Variants in WIPF2 observed in about 807,000 individuals in gnomAD.
The protein encoded by WIPF2 is WAS/WASL interacting protein family member 2, also known as WAS/WASL-interacting protein family member 2.
In WIPF2, 23 loss-of-function variants were observed where a neutral mutation model predicts 38.8. The ratio of observed to expected loss-of-function variants is 0.59; its 90% CI spans 0.43 to 0.84. The LOEUF (loss-of-function observed/expected upper bound fraction) is 0.84. WIPF2 is among the 40% of genes least tolerant of loss of function. The pLI is 0.00. For missense variants in WIPF2, 574 were observed against 580.5 expected (o/e 0.99, Z 0.11); for synonymous variants, 210 against 223.2 (o/e 0.94, Z 0.53).
chr17:40,249,125 G>A (rs956935916), intron 1 of WIPF2, among the ~76,000 whole-genome samples: 1 of 152,110 alleles, frequency 6.6e-6, no homozygotes, highest in African/African-American at 2.4e-5. Context: ...ATAGAAGATA[G>A]CATTAAGATT....
chr17:40,220,968 C>T (rs1225494721), intron 1 of WIPF2, among the ~76,000 whole-genome samples: 6 of 151,624 alleles, frequency 4.0e-5, no homozygotes, highest in African/African-American at 1.5e-4. Flanking sequence ...TTAGTAGAGA[C>T]GGGGTTTCAC....
At chr17:40,264,449 T>C in intron 4 of WIPF2, 41 bp from the exon 5 acceptor site, 1 of 1,601,870 alleles carries the variant, frequency 6.2e-7, no homozygotes, top group Non-Finnish European at 8.6e-7. Context: ...GACCAATATC[T>C]GTCCAGCTCT....
chr17:40,269,848 G>T (rs977851085), intron 5 of WIPF2, among the ~76,000 whole-genome samples: 5 of 150,340 alleles, frequency 3.3e-5, no homozygotes, highest in African/African-American at 4.9e-5. Flanking sequence ...CTTGTGATCC[G>T]CCTGCCTTGG....
At chr17:40,273,219 G>C (rs1598500507) in intron 5 of WIPF2, among the ~76,000 whole-genome samples, 1 of 152,212 alleles carries the variant, frequency 6.6e-6, no homozygotes, top group Middle Eastern at 3.4e-3. Context: ...ATTTTTAGTA[G>C]AGATGGAGTT....
chr17:40,270,098 G>A (rs565511571), intron 5 of WIPF2, among the ~76,000 whole-genome samples: 1 of 151,576 alleles, frequency 6.6e-6, no homozygotes, highest in South Asian at 2.1e-4. Context: ...GGGTGCGGTG[G>A]CTCATGCCTG....
At chr17:40,263,000 G>A (rs2145381199) in intron 4 of WIPF2, among the ~76,000 whole-genome samples, 1 of 152,308 alleles carries the variant, frequency 6.6e-6, no homozygotes, top group African/African-American at 2.4e-5. Flanking sequence ...ATCTGAAACA[G>A]TTGAACTCAC....
chr17:40,233,764 A>C (rs983725520), intron 1 of WIPF2, among the ~76,000 whole-genome samples: 1 of 151,998 alleles, frequency 6.6e-6, no homozygotes, highest in East Asian at 1.9e-4. Flanking sequence ...CCCCGTCTCT[A>C]CTAAAAATAC....
chr17:40,247,476 C>T (rs549043752), intron 1 of WIPF2, among the ~76,000 whole-genome samples: 1 of 151,190 alleles, frequency 6.6e-6, no homozygotes, highest in African/African-American at 2.4e-5. Flanking sequence ...GCCTCGGCCT[C>T]CCAAAGTGCT....
rs1433176184 is a variant in WIPF2 at position 40,283,430 on chromosome 17, A to G, written c.*5205A>G. The G allele has an allele frequency of 6.6e-6, 1 of 151,862 alleles. No homozygotes were observed. Among genetic ancestry groups the G allele is most frequent in the Non-Finnish European group, 1.5e-5 (1 of 68,020 alleles). The allele number at this position is 151,862 out of a possible 1,614,324, so 9.4% of individuals were successfully genotyped here. ...TGGCTAATTTTGAAAATTTTTTTGT[A>G]AAGACAGGGTCTCCCTATGTTGCCC... On this transcript the variant is annotated 3_prime_UTR_variant, in exon 8 of 8. Transcript: ENST00000323571.
At chr17:40,262,719 A>G in intron 4 of WIPF2, 78 bp downstream of exon 4, 1 of 1,204,694 alleles carries the variant, frequency 8.3e-7, no homozygotes. Context: ...TCTCAGGTTG[A>G]GGAGTATGGT....
chr17:40,262,464 G>T, intron 3 of WIPF2, 61 bp from the exon 4 acceptor site: 1 of 1,367,512 alleles, frequency 7.3e-7, no homozygotes, highest in South Asian at 1.2e-5. Context: ...TTCCCCTCAT[G>T]ATTTACTTGG....
At chr17:40,250,085 G>GC (rs2031503916) in intron 1 of WIPF2, among the ~76,000 whole-genome samples, 1 of 151,744 alleles carries the variant, frequency 6.6e-6, no homozygotes, top group Non-Finnish European at 1.5e-5. Flanking sequence ...GCCCGCCTCA[G>GC]CCCCCCAGAG....
Position 40,256,405 on chromosome 17 carries a change from TA to T in WIPF2, c.-52del. 6.3e-7 allele frequency: 1 copy of T among 1,583,836 alleles called. No homozygotes were observed. The highest frequency in any genetic ancestry group is 8.5e-7 in the Non-Finnish European group (1 of 1,170,538). On this transcript the variant is annotated 5_prime_UTR_variant, in exon 2 of 8. It introduces an in-frame stop codon into an upstream open reading frame of the 5' UTR. Coordinates refer to ENST00000323571, the MANE Select transcript of WIPF2 (RefSeq NM_133264.5). ...TTCATTTGCAGGTATATGAATGACC[TA>T]AAGGTACAAATAAAGACGGAGAGAG... is the stretch of plus-strand genomic sequence containing the variant.
At chr17:40,240,791 A>G (rs1234656767) in intron 1 of WIPF2, among the ~76,000 whole-genome samples, 2 of 151,846 alleles carry the variant, frequency 1.3e-5, no homozygotes, top group African/African-American at 2.4e-5. Context: ...AAAAATACAA[A>G]AAAATTAGCT....
At position 40,273,914 on chromosome 17, in the gene WIPF2, G is replaced by A; in HGVS notation, c.1095G>A (p.Arg365=). The part of the protein sequence containing the change: ...SRGKPPPPPS[R]TPAGPPPPPP... The stretch of plus-strand genomic sequence containing the variant: ...GAAAGCCCCCACCTCCACCCTCAAG[G>A]ACGCCAGCTGGGCCACCCCCTCCTC... The change falls in exon 6 of 8, where the codon AGG becomes AGA. Residue 365 remains arginine (R), a synonymous_variant. Coordinates refer to ENST00000323571, the MANE Select transcript of WIPF2 (RefSeq NM_133264.5). The A allele has an allele frequency of 6.3e-7, 1 of 1,591,132 alleles. No homozygotes were observed. The highest frequency in any genetic ancestry group is 2.4e-5 in the East Asian group (1 of 42,326).
chr17:40,265,416 G>A (rs150040399), intron 5 of WIPF2, among the ~76,000 whole-genome samples: 92 of 152,322 alleles, frequency 6.0e-4, no homozygotes, highest in Non-Finnish European at 7.5e-4. Flanking sequence ...ATACTGGGGC[G>A]GAGGTCGGGA....
intron 3 of WIPF2, 67 bp downstream of exon 3, chr17:40,260,734 G>A (rs765234048): frequency 1.2e-6 from 2 of 1,609,428 alleles, no homozygotes; most frequent in Admixed American, 1.7e-5. Flanking sequence ...ACTTGGCTGG[G>A]TTCTTATTTT....
chr17:40,264,702 G>GCC lies in WIPF2; in HGVS notation c.529_530dup (p.Pro178LeufsTer61). The GCC allele has an allele frequency of 1.9e-6, 3 of 1,612,570 alleles. No individual in the cohort carries two copies. The highest frequency in any genetic ancestry group is 1.3e-5 in the African/African-American group (1 of 74,916). ...TACGGGCATGAAGCACAGCTCCTCT[G>GCC]CCCCTCCCCCACCACCCCCAGGGCG... On this transcript the variant is annotated frameshift_variant, in exon 5 of 8. Coordinates refer to ENST00000323571, the MANE Select transcript of WIPF2 (RefSeq NM_133264.5). LOFTEE classifies it high-confidence loss of function.
chr17:40,276,626 ATCAGC>A (rs1407241302), intron 6 of WIPF2, among the ~76,000 whole-genome samples: 1 of 152,040 alleles, frequency 6.6e-6, no homozygotes, highest in Non-Finnish European at 1.5e-5. Flanking sequence ...GGTTTAAAGA[ATCAGC>A]TCAGGCTAGG....
Sources: allele counts gnomAD v4.1 joint callset (sites outside exome capture counted in the v4.1 genomes callset), GRCh38; gene constraint gnomAD v4.1.1; transcripts MANE v1.5; gene names NCBI Gene and HGNC (gene_info 2026-07-23, HGNC 2026-07-21).